NFIB: variants seen among roughly 807,000 people sequenced by gnomAD.
NFIB encodes the protein nuclear factor I B.
Under a neutral mutation model 61.5 loss-of-function variants are expected in NFIB, and 11 were observed. The observed-to-expected ratio is 0.18, with a 90% CI of 0.11 to 0.30. The LOEUF (loss-of-function observed/expected upper bound fraction) is 0.30. Ranked by LOEUF, NFIB falls within the 10% of genes least tolerant of loss-of-function variation. The pLI is 1.00. For missense variants in NFIB, 471 were observed against 608.9 expected (o/e 0.77, Z 2.38); for synonymous variants, 260 against 216.5 (o/e 1.20, Z -1.76).
At chr9:14,144,928 C>A (rs935229768) in intron 6 of NFIB, among the ~76,000 whole-genome samples, 8 of 152,196 alleles carry the variant, frequency 5.3e-5, no homozygotes, top group African/African-American at 1.9e-4. Context: ...CAGAATGTCA[C>A]CTGCCAAGGC....
chr9:14,394,172 TG>T (rs1346739665), intron 1 of NFIB, among the ~76,000 whole-genome samples: 2 of 152,038 alleles, frequency 1.3e-5, no homozygotes, highest in Non-Finnish European at 2.9e-5. Flanking sequence ...CCCAATCTAG[TG>T]GGGGAAAAAC....
chr9:14,494,212 A>G, the NFIB span, among the ~76,000 whole-genome samples: 1 of 152,350 alleles, frequency 6.6e-6, no homozygotes, highest in Admixed American at 6.5e-5. Context: ...AAAAACAACA[A>G]GAACAACAAA....
chr9:14,359,621 G>C (rs1009847497), intron 1 of NFIB, among the ~76,000 whole-genome samples: 1 of 152,158 alleles, frequency 6.6e-6, no homozygotes, highest in African/African-American at 2.4e-5. Context: ...TTGGAAATTT[G>C]TTATGGGAGC....
At chr9:14,416,892 CTT>C in the NFIB span, among the ~76,000 whole-genome samples, 16 of 126,918 alleles carry the variant, frequency 1.3e-4, no homozygotes, top group South Asian at 2.5e-4. Flanking sequence ...ACTATTTTTA[CTT>C]TTTTTTTTTT....
At chr9:14,439,412 C>G in the NFIB span, among the ~76,000 whole-genome samples, 1 of 152,172 alleles carries the variant, frequency 6.6e-6, no homozygotes. Context: ...ATGATTTAAT[C>G]TTTCTGTGTT....
At chr9:14,186,186 A>G (rs557849394) in intron 2 of NFIB, among the ~76,000 whole-genome samples, 48 of 152,348 alleles carry the variant, frequency 3.2e-4, no homozygotes, top group African/African-American at 1.1e-3. Context: ...CTATGATTCC[A>G]TAACAATATA....
intron 2 of NFIB, among the ~76,000 whole-genome samples, chr9:14,231,129 AAAAAAAAT>A (rs2053101303): frequency 1.0e-4 from 8 of 78,178 alleles, no homozygotes; most frequent in Admixed American, 8.9e-4. Context: ...GGAAAAAAAA[AAAAAAAAT>A]ATATATATAT....
chr9:14,314,345 C>T (rs1420909770), upstream of NFIB: 1 of 164,274 alleles, frequency 6.1e-6, no homozygotes, highest in Admixed American at 6.6e-5. Flanking sequence ...GCCCGCCTCG[C>T]CCCGCGTCTG....
At chr9:14,310,204 C>T (rs889859247) in intron 1 of NFIB, among the ~76,000 whole-genome samples, 11 of 152,146 alleles carry the variant, frequency 7.2e-5, no homozygotes, top group East Asian at 1.9e-4. Flanking sequence ...AGTTTTTAAA[C>T]GTTCCTTTGA....
At chr9:14,289,308 G>GA (rs2058939106) in intron 2 of NFIB, among the ~76,000 whole-genome samples, 1 of 149,972 alleles carries the variant, frequency 6.7e-6, no homozygotes, top group Non-Finnish European at 1.5e-5. Flanking sequence ...CTGAACTAAA[G>GA]AATCAACAAG....
intron 1 of NFIB, among the ~76,000 whole-genome samples, chr9:14,355,917 A>G (rs1182904007): frequency 1.3e-5 from 2 of 151,904 alleles, no homozygotes; most frequent in Non-Finnish European, 1.5e-5. Flanking sequence ...AGATCACGCC[A>G]CTGCACTGCA....
At chr9:14,206,166 ACT>A (rs200726385) in intron 2 of NFIB, among the ~76,000 whole-genome samples, 1 of 141,992 alleles carries the variant, frequency 7.0e-6, no homozygotes, top group East Asian at 2.8e-4. Flanking sequence ...TAACTTACTA[ACT>A]CTCTCTCTCT....
At position 14,084,119 on chromosome 9, in the gene NFIB, A is replaced by C. The variant is rs755859923; in HGVS notation, c.*4190T>G. ...GCTTTTCAAGCACAGGAATCTGTGA[A>C]ATAACTCCTAACATGGACAGATTTT... On this transcript the variant is annotated 3_prime_UTR_variant, in exon 11 of 11. Transcript: ENST00000380953. 4 of 204,526 alleles carry C rather than the reference A, an allele frequency of 2.0e-5. No homozygotes were observed. Among genetic ancestry groups the C allele is most frequent in the Non-Finnish European group, 4.0e-5 (4 of 99,782 alleles). 12.7% of individuals were successfully genotyped at this position (204,526 alleles called of 1,614,324 possible).
intron 2 of NFIB, among the ~76,000 whole-genome samples, chr9:14,261,904 A>T (rs142022389): frequency 7.4e-4 from 112 of 152,294 alleles, no homozygotes; most frequent in African/African-American, 2.6e-3. Context: ...GAGGCAGATA[A>T]GGGAACTTCA....
At chr9:14,516,243 T>C in the NFIB span, among the ~76,000 whole-genome samples, 519 of 152,162 alleles carry the variant, frequency 3.4e-3, 2 homozygotes, top group African/African-American at 0.012. Context: ...GAGGTGGGGG[T>C]TGAATCTTTT....
intron 3 of NFIB, among the ~76,000 whole-genome samples, chr9:14,159,090 C>G (rs1317682528): frequency 6.6e-6 from 1 of 152,134 alleles, no homozygotes; most frequent in Non-Finnish European, 1.5e-5. Context: ...GGGTGTGAGC[C>G]TGTTGGAAGC....
At chr9:14,512,599 C>T in the NFIB span, among the ~76,000 whole-genome samples, 64 of 152,052 alleles carry the variant, frequency 4.2e-4, 1 homozygote, top group Middle Eastern at 0.01. Context: ...AAATAAAAAA[C>T]GTAATAAGTC....
At chr9:14,487,668 G>T in the NFIB span, among the ~76,000 whole-genome samples, 3 of 152,164 alleles carry the variant, frequency 2.0e-5, no homozygotes, top group African/African-American at 7.2e-5. Flanking sequence ...GATTAAAAAG[G>T]AAACTAGATT....
intron 2 of NFIB, among the ~76,000 whole-genome samples, chr9:14,289,813 A>C (rs1014616150): frequency 6.6e-6 from 1 of 152,016 alleles, no homozygotes; most frequent in Non-Finnish European, 1.5e-5. Context: ...CATAATATTG[A>C]GATATTTCTT....
Sources: allele counts gnomAD v4.1 joint callset (sites outside exome capture counted in the v4.1 genomes callset), GRCh38; gene constraint gnomAD v4.1.1; transcripts MANE v1.5; gene names NCBI Gene and HGNC (gene_info 2026-07-23, HGNC 2026-07-21).